Variants in PREX2 observed in about 807,000 individuals in gnomAD.
PREX2 encodes the protein phosphatidylinositol-3,4,5-trisphosphate dependent Rac exchange factor 2, also known as phosphatidylinositol 3,4,5-trisphosphate-dependent Rac exchanger 2 protein.
Under a neutral mutation model 203.2 loss-of-function variants are expected in PREX2, and 107 were observed. That is an observed-to-expected ratio of 0.53 (90% CI 0.45 to 0.62). PREX2 has a LOEUF of 0.62. PREX2 is among the 20% of genes least tolerant of loss of function. The pLI is 0.00. For missense variants in PREX2, 1,777 were observed against 1,955.9 expected, an observed-to-expected ratio of 0.91 and a Z score of 1.72; for synonymous variants, 672 against 663.6, an observed-to-expected ratio of 1.01 and a Z score of -0.19.
rs921939723 is a variant in PREX2 at position 68,232,045 on chromosome 8, T to G, written c.*667T>G. The G allele has an allele frequency of 2.0e-5, 3 of 152,214 alleles. No homozygotes were observed. The highest frequency in any genetic ancestry group is 7.2e-5 in the African/African-American group (3 of 41,456). 9.4% of individuals were successfully genotyped at this position (152,214 alleles called of 1,614,324 possible). On this transcript the variant is annotated 3_prime_UTR_variant, in exon 40 of 40. Coordinates refer to ENST00000288368, the MANE Select transcript of PREX2 (RefSeq NM_024870.4). ...AGCTGCCTTTGGGCATCCTTTATTCTTGTGGACAGCTCTAGCAAATCAATG... is the reference window on the plus strand; with the variant it reads ...AGCTGCCTTTGGGCATCCTTTATTCGTGTGGACAGCTCTAGCAAATCAATG...
intron 37 of PREX2, among the ~76,000 whole-genome samples, chr8:68,193,436 C>T (rs564809961): frequency 3.3e-5 from 5 of 152,222 alleles, no homozygotes; most frequent in East Asian, 1.9e-4. Flanking sequence ...TACATTAGGT[C>T]GGTTTGATTT....
intron 1 of PREX2, 33 bp downstream of exon 1, chr8:67,952,568 C>T (rs1471303999): frequency 1.1e-5 from 17 of 1,593,446 alleles, no homozygotes; most frequent in Non-Finnish European, 1.4e-5. Context: ...GGGGGACGTC[C>T]GGGCGGCGCG....
In PREX2 at chr8:68,211,159, A is replaced by G. The variant is rs528573736; in HGVS notation, c.4605-6457A>G. Among the ~76,000 whole-genome samples the G allele has an allele frequency of 3.3e-5, 5 of 152,278 alleles. No individual in the cohort carries two copies. In the South Asian group the frequency reaches 8.3e-4, roughly 25 times the overall value. On this transcript the variant is annotated intron_variant, in intron 37 of 39. Transcript: ENST00000288368. ...AAATAAACTCAAGATCTGATATCTA[A>G]GATCAACTGGGACAAACACCTGAAA...
chr8:68,051,174 A>G (rs11998528), intron 8 of PREX2, among the ~76,000 whole-genome samples: 14,834 of 152,112 alleles, frequency 0.098, 2,271 homozygotes, highest in African/African-American at 0.33. Flanking sequence ...GGGTACACTT[A>G]TGCGGTGGCA....
At chr8:68,048,817 C>T (rs978425556) in intron 8 of PREX2, among the ~76,000 whole-genome samples, 5 of 151,850 alleles carry the variant, frequency 3.3e-5, no homozygotes, top group Non-Finnish European at 7.4e-5. Flanking sequence ...TCTCAATGAT[C>T]GTCATCTTTA....
At chr8:68,196,602 C>T (rs1356025762) in intron 37 of PREX2, among the ~76,000 whole-genome samples, 2 of 151,640 alleles carry the variant, frequency 1.3e-5, no homozygotes, top group African/African-American at 2.4e-5. Flanking sequence ...GAAATGTAAA[C>T]CGCAATGTTG....
At chr8:67,973,009 T>G (rs1047204005) in intron 1 of PREX2, among the ~76,000 whole-genome samples, 1 of 152,192 alleles carries the variant, frequency 6.6e-6, no homozygotes. Flanking sequence ...CTCCCTGGAC[T>G]GGAAGGCTCA....
At chr8:67,978,091 G>T (rs7460558) in intron 1 of PREX2, among the ~76,000 whole-genome samples, 52,277 of 151,842 alleles carry the variant, frequency 0.34, 9,408 homozygotes, top group East Asian at 0.6. Context: ...TGAAGTGGGG[G>T]TTAGTCTTGT....
chr8:68,005,362 C>T (rs1807064184), intron 1 of PREX2, among the ~76,000 whole-genome samples: 1 of 152,170 alleles, frequency 6.6e-6, no homozygotes, highest in Admixed American at 6.5e-5. Flanking sequence ...TAGGTGGCCC[C>T]TCCATAGCCA....
intron 1 of PREX2, among the ~76,000 whole-genome samples, chr8:67,991,590 ACTAT>A (rs1350907417): frequency 1.3e-5 from 2 of 152,150 alleles, no homozygotes; most frequent in African/African-American, 2.4e-5. Context: ...GAATTCGCTA[ACTAT>A]CATGAGAATA....
chr8:68,107,462 TG>T (rs1251511928), intron 23 of PREX2, among the ~76,000 whole-genome samples: 5 of 152,138 alleles, frequency 3.3e-5, no homozygotes, highest in African/African-American at 1.2e-4. Flanking sequence ...GTGGCTACCT[TG>T]GAAGTCATAT....
intron 20 of PREX2, 76 bp downstream of exon 20, chr8:68,090,791 C>A: frequency 5.5e-6 from 7 of 1,265,172 alleles, no homozygotes; most frequent in South Asian, 4.8e-5. Context: ...TGGGATAGTG[C>A]CAGAGATATT....
At chr8:68,114,449 G>T in intron 25 of PREX2, 1 of 368,862 alleles carries the variant, frequency 2.7e-6, no homozygotes, top group Non-Finnish European at 5.6e-6. Flanking sequence ...GCCCTATATG[G>T]GTCCTTTGTT....
intron 35 of PREX2, among the ~76,000 whole-genome samples, chr8:68,168,456 T>C (rs1811806311): frequency 6.6e-6 from 1 of 152,212 alleles, no homozygotes; most frequent in African/African-American, 2.4e-5. Context: ...TAAGAAAACA[T>C]TTTAATGTCT....
At chr8:68,179,424 G>C (rs375647085) in intron 35 of PREX2, among the ~76,000 whole-genome samples, 140 of 152,174 alleles carry the variant, frequency 9.2e-4, no homozygotes, top group African/African-American at 3.0e-3. Flanking sequence ...ATTGGAAATT[G>C]AGCTGAGAGC....
At chr8:68,010,579 G>T (rs79142597) in intron 1 of PREX2, among the ~76,000 whole-genome samples, 1,706 of 152,256 alleles carry the variant, frequency 0.011, 19 homozygotes, top group Non-Finnish European at 0.017. Context: ...TTTGCAAAGG[G>T]CTTTCATTAC....
intron 6 of PREX2, among the ~76,000 whole-genome samples, chr8:68,031,869 G>A (rs1213394756): frequency 6.6e-6 from 1 of 152,158 alleles, no homozygotes; most frequent in Non-Finnish European, 1.5e-5. Flanking sequence ...AAGAAAAACC[G>A]AACTTGCTTT....
chr8:68,215,490 TG>T (rs150699381), intron 37 of PREX2, among the ~76,000 whole-genome samples: 5,887 of 152,226 alleles, frequency 0.039, 300 homozygotes, highest in African/African-American at 0.12. Context: ...AAAAAGGTTA[TG>T]GTCTGTTGAG....
At chr8:68,224,813 A>G (rs941500914) in intron 39 of PREX2, among the ~76,000 whole-genome samples, 187 bp downstream of exon 39, 2 of 152,074 alleles carry the variant, frequency 1.3e-5, no homozygotes, top group Non-Finnish European at 1.5e-5. Context: ...AAATAAATGG[A>G]TATTATTCTA....
Sources: gnomAD v4.1 joint callset for allele counts (sites outside exome capture counted in the v4.1 genomes callset) on GRCh38, gnomAD v4.1.1 for gene constraint, MANE v1.5 for transcripts, NCBI Gene and HGNC (gene_info 2026-07-23, HGNC 2026-07-21) for gene names.